EEA1: variants seen among roughly 807,000 people sequenced by gnomAD.
EEA1 encodes the protein early endosome antigen 1.
Under a neutral mutation model 209.2 loss-of-function variants are expected in EEA1, and 111 were observed. That is an observed-to-expected ratio of 0.53 (90% CI 0.45 to 0.62). EEA1 has a LOEUF of 0.62. EEA1 is among the 20% of genes least tolerant of loss of function. The probability of loss-of-function intolerance (pLI) is 0.00; values close to 1 mark genes in which losing one functional copy is unlikely to be tolerated. For missense variants in EEA1, 1,343 were observed against 1,530.8 expected, an observed-to-expected ratio of 0.88 and a Z score of 2.05; for synonymous variants, 536 against 540.6, an observed-to-expected ratio of 0.99 and a Z score of 0.12.
At chr12:92,917,297 T>G (rs1004469387) in intron 1 of EEA1, among the ~76,000 whole-genome samples, 2 of 126,536 alleles carry the variant, frequency 1.6e-5, no homozygotes, top group African/African-American at 6.7e-5. Context: ...AATTGTCAGA[T>G]TCACCAAAGT....
intron 13 of EEA1, among the ~76,000 whole-genome samples, chr12:92,822,504 C>T (rs1158235337): frequency 1.3e-5 from 2 of 152,112 alleles, no homozygotes; most frequent in Non-Finnish European, 2.9e-5. Flanking sequence ...ATCGCCACCA[C>T]ACAAACCCAC....
At chr12:92,827,812 T>G in intron 12 of EEA1, 100 bp downstream of exon 12, 2 of 1,304,366 alleles carry the variant, frequency 1.5e-6, no homozygotes, top group Non-Finnish European at 2.0e-6. Flanking sequence ...ATTTGCACTT[T>G]AAAAAGTCCA....
rs1228604028 is a variant in EEA1 at position 92,774,601 on chromosome 12, A to G, written c.*1410T>C. 2 of 151,712 alleles carry G rather than the reference A, an allele frequency of 1.3e-5. No homozygotes were observed. Among genetic ancestry groups the G allele is most frequent in the Non-Finnish European group, 3.0e-5 (2 of 67,654 alleles). 9.4% of individuals were successfully genotyped at this position (151,712 alleles called of 1,614,324 possible). A position where few individuals can be genotyped will look rare whatever the true frequency, so the allele number is the denominator to read the frequency against. ...AATTAATAAGACTATGCTAAATTAA[A>G]GTTCGATTCCATTGTTCAGCATACA... On this transcript the variant is annotated 3_prime_UTR_variant, in exon 29 of 29. Coordinates refer to ENST00000322349, the MANE Select transcript of EEA1 (RefSeq NM_003566.4).
intron 2 of EEA1, among the ~76,000 whole-genome samples, chr12:92,871,504 A>G (rs1382106055): frequency 2.0e-5 from 3 of 152,228 alleles, no homozygotes; most frequent in Admixed American, 6.5e-5. Flanking sequence ...GCAGTTATAC[A>G]TCTTTTCATA....
chr12:92,826,343 A>AG, intron 12 of EEA1, 58 bp from the exon 13 acceptor site: 1 of 1,481,244 alleles, frequency 6.8e-7, no homozygotes, highest in Non-Finnish European at 9.3e-7. Context: ...ATCATTCATA[A>AG]GTATCTGGCA....
intron 28 of EEA1, among the ~76,000 whole-genome samples, chr12:92,776,433 T>C (rs1454978730): frequency 6.6e-6 from 1 of 151,914 alleles, no homozygotes; most frequent in African/African-American, 2.4e-5. Context: ...TGAAAAACTA[T>C]TCCTATTTGC....
At chr12:92,778,881 A>T (rs975301478) in intron 25 of EEA1, among the ~76,000 whole-genome samples, 43 of 152,072 alleles carry the variant, frequency 2.8e-4, no homozygotes, top group Non-Finnish European at 5.3e-4. Context: ...AACAAAAAAA[A>T]TTTTTTAATT....
Position 92,777,940 on chromosome 12 carries a change from C to T in EEA1, c.3893+1G>A. 1 of 1,608,754 alleles carries T rather than the reference C, an allele frequency of 6.2e-7. No homozygotes were observed. The highest frequency in any genetic ancestry group is 8.5e-7 in the Non-Finnish European group (1 of 1,175,742). On this transcript the variant is annotated splice_donor_variant, in intron 26 of 28. Transcript: ENST00000322349. LOFTEE classifies it high-confidence loss of function. The stretch of plus-strand genomic sequence containing the variant: ...AACTAATTTTACTAGATATCAATCA[C>T]CTTTCCAGTAGTGCTCTCCTTTCAT...
At chr12:92,874,752 CA>C (rs1878804741) in intron 2 of EEA1, among the ~76,000 whole-genome samples, 1 of 152,164 alleles carries the variant, frequency 6.6e-6, no homozygotes. Context: ...GTCATTCATT[CA>C]AAAAGTATTT....
In EEA1 at chr12:92,929,061, T is replaced by A; in HGVS notation, c.6A>T (p.Leu2Phe). Residue 2 changes from leucine to phenylalanine, a missense_variant, in exon 1 of 29, where the codon TTA becomes TTT. Transcript: ENST00000322349. ...CTCTTACCCTCTGTAAAATCCTCCT[T>A]AACATGGTTTAACCACCACCCGGCG... Reference protein sequence around the residue: MLRRILQRTPGR... With the variant: MFRRILQRTPGR... 1.3e-6 allele frequency: 2 copies of A among 1,594,024 alleles called. No homozygotes were observed. Among genetic ancestry groups the A allele is most frequent in the Non-Finnish European group, 1.7e-6 (2 of 1,171,062 alleles).
At chr12:92,925,192 A>C (rs1672207488) in intron 1 of EEA1, among the ~76,000 whole-genome samples, 1 of 151,668 alleles carries the variant, frequency 6.6e-6, no homozygotes, top group Admixed American at 6.6e-5. Context: ...AAAAAAAAAA[A>C]AAAAAACACT....
intron 3 of EEA1, among the ~76,000 whole-genome samples, chr12:92,862,120 TCA>T (rs1878180445): frequency 6.6e-6 from 1 of 152,194 alleles, no homozygotes. Flanking sequence ...CTGCTCATAG[TCA>T]CATGTCATCC....
intron 2 of EEA1, among the ~76,000 whole-genome samples, chr12:92,868,239 T>A (rs920434119): frequency 6.6e-6 from 1 of 152,186 alleles, no homozygotes; most frequent in Non-Finnish European, 1.5e-5. Context: ...GATGTTAGTC[T>A]AGCTGCTGTT....
intron 3 of EEA1, among the ~76,000 whole-genome samples, chr12:92,863,313 T>C (rs927289380): frequency 1.3e-5 from 2 of 152,338 alleles, no homozygotes; most frequent in Middle Eastern, 3.4e-3. Context: ...TCCAATAGAA[T>C]GGCAGAAGTG....
chr12:92,876,994 T>A (rs1878925243), intron 2 of EEA1, among the ~76,000 whole-genome samples: 1 of 150,604 alleles, frequency 6.6e-6, no homozygotes, highest in Non-Finnish European at 1.5e-5. Flanking sequence ...CCTAGACTGG[T>A]GTGCAGTGGC....
At chr12:92,841,929 A>G (rs1309953264) in intron 10 of EEA1, among the ~76,000 whole-genome samples, 1 of 152,214 alleles carries the variant, frequency 6.6e-6, no homozygotes, top group Non-Finnish European at 1.5e-5. Context: ...CCATGTTGAA[A>G]GTGGCATTAC....
intron 2 of EEA1, chr12:92,879,483 A>G: frequency 3.1e-6 from 1 of 325,066 alleles, no homozygotes; most frequent in South Asian, 2.5e-5. Flanking sequence ...AAATCATATT[A>G]TCATCTCAAT....
intron 7 of EEA1, among the ~76,000 whole-genome samples, chr12:92,852,683 T>C (rs1720953174): frequency 6.6e-6 from 1 of 152,104 alleles, no homozygotes; most frequent in African/African-American, 2.4e-5. Flanking sequence ...CTTCTCTAAA[T>C]TTCAAGAAGA....
At chr12:92,865,047 T>C in intron 2 of EEA1, 60 bp from the exon 3 acceptor site, 4 of 1,326,042 alleles carry the variant, frequency 3.0e-6, no homozygotes, top group Non-Finnish European at 1.0e-6. Context: ...AATAACAATT[T>C]GCATATTATT....
Sources: gnomAD v4.1 joint callset for allele counts (sites outside exome capture counted in the v4.1 genomes callset) on GRCh38, gnomAD v4.1.1 for gene constraint, MANE v1.5 for transcripts, NCBI Gene and HGNC (gene_info 2026-07-23, HGNC 2026-07-21) for gene names.